Variants in ZNF469 observed in about 807,000 individuals in gnomAD.
The protein encoded by ZNF469 is zinc finger protein 469.
Under a neutral mutation model 1.0 loss-of-function variants are expected in ZNF469, and 1 was observed. The observed-to-expected ratio is 1.00, with a 90% CI of 0.35 to 4.73. The LOEUF (loss-of-function observed/expected upper bound fraction) is 4.73. ZNF469 is among the 30% of genes most tolerant of loss of function. ZNF469 has a pLI of 0.16. For synonymous variants in ZNF469, 2,703 were observed against 2,363.4 expected, an observed-to-expected ratio of 1.14 and a Z score of -4.17; for missense variants, 6,100 against 5,356.3, an observed-to-expected ratio of 1.14 and a Z score of -4.33.
At chr16:88,116,174 G>A in the ZNF469 span, among the ~76,000 whole-genome samples, 10 of 152,350 alleles carry the variant, frequency 6.6e-5, no homozygotes, top group East Asian at 1.7e-3. Context: ...AGATGTGGGG[G>A]GTGCTCTTCC....
the ZNF469 span, among the ~76,000 whole-genome samples, chr16:88,333,261 A>G: frequency 3.3e-5 from 5 of 151,962 alleles, no homozygotes; most frequent in East Asian, 9.8e-4. Context: ...GCCAGGGGAG[A>G]GAAGGCTCCG....
chr16:88,173,070 C>T, the ZNF469 span, among the ~76,000 whole-genome samples: 261 of 152,214 alleles, frequency 1.7e-3, 2 homozygotes, highest in African/African-American at 6.2e-3. Context: ...AATGGCCAAA[C>T]GTTTTTTGAA....
chr16:88,206,751 C>T, the ZNF469 span, among the ~76,000 whole-genome samples: 2 of 148,740 alleles, frequency 1.3e-5, no homozygotes, highest in African/African-American at 2.5e-5. Context: ...GTCTGGCGGG[C>T]GCTTCTTGGT....
the ZNF469 span, among the ~76,000 whole-genome samples, chr16:88,189,190 G>A: frequency 6.6e-6 from 1 of 152,214 alleles, no homozygotes; most frequent in Non-Finnish European, 1.5e-5. The surrounding 1 kb of genome is among the most constrained non-coding windows in gnomAD (Gnocchi z 4.3). Context: ...CTTCCCAAGT[G>A]CAGAGCTGCC....
chr16:88,183,775 C>A, the ZNF469 span, among the ~76,000 whole-genome samples: 2 of 152,182 alleles, frequency 1.3e-5, no homozygotes, highest in African/African-American at 4.8e-5. Flanking sequence ...CTTGTAAAAG[C>A]AGCATGTGAA....
the ZNF469 span, among the ~76,000 whole-genome samples, chr16:88,295,663 T>G: frequency 6.6e-6 from 1 of 152,110 alleles, no homozygotes; most frequent in African/African-American, 2.4e-5. Flanking sequence ...CGGCCTACAC[T>G]CGGTGCACAC....
At chr16:88,348,873 G>C in the ZNF469 span, among the ~76,000 whole-genome samples, 3 of 152,152 alleles carry the variant, frequency 2.0e-5, no homozygotes. Context: ...TCGGCATCAC[G>C]CGTGGGCATG....
At chr16:88,114,573 C>T in the ZNF469 span, among the ~76,000 whole-genome samples, 2 of 152,204 alleles carry the variant, frequency 1.3e-5, no homozygotes, top group East Asian at 3.8e-4. Flanking sequence ...ACTTCCCAGG[C>T]CATGAGCTGG....
At chr16:88,203,183 G>A in the ZNF469 span, among the ~76,000 whole-genome samples, 2 of 152,158 alleles carry the variant, frequency 1.3e-5, no homozygotes, top group African/African-American at 2.4e-5. Context: ...TCCTCGAGTT[G>A]CCCAGGTGCT....
At chr16:88,257,996 A>G in the ZNF469 span, among the ~76,000 whole-genome samples, 65 of 152,338 alleles carry the variant, frequency 4.3e-4, no homozygotes, top group African/African-American at 1.6e-3. Flanking sequence ...CACATGCTGC[A>G]AGGGCTCTGA....
the ZNF469 span, among the ~76,000 whole-genome samples, chr16:88,131,656 G>C: frequency 6.6e-6 from 1 of 152,228 alleles, no homozygotes; most frequent in South Asian, 2.1e-4. Context: ...AGGCTGGGGC[G>C]CTCCTGGACC....
intron 1 of ZNF469, among the ~76,000 whole-genome samples, chr16:88,420,517 C>T (rs761393038): frequency 1.1e-4 from 16 of 152,240 alleles, no homozygotes; most frequent in South Asian, 2.1e-4. Flanking sequence ...TTGGGCAGTG[C>T]AGCCGAGTGT....
the ZNF469 span, among the ~76,000 whole-genome samples, chr16:88,376,078 G>A: frequency 6.6e-6 from 1 of 152,238 alleles, no homozygotes; most frequent in African/African-American, 2.4e-5. Flanking sequence ...GGTTCAGGGC[G>A]GGCGGCACGC....
At chr16:88,202,714 C>T in the ZNF469 span, among the ~76,000 whole-genome samples, 1 of 152,214 alleles carries the variant, frequency 6.6e-6, no homozygotes, top group African/African-American at 2.4e-5. Flanking sequence ...GGGCGCCTCA[C>T]TCCTCACCGT....
At position 88,436,563 on chromosome 16, in the gene ZNF469, GCTTCCCGGGAACACC is replaced by G. The variant is rs281865162; in HGVS notation, c.9095_9109del (p.Leu3032_Thr3036del). 2.5e-3 allele frequency: 3,866 copies of G among 1,549,802 alleles called. 19 individuals are homozygous for G. The highest frequency in any genetic ancestry group is 0.022 in the Middle Eastern group (129 of 5,992). On this transcript the variant is annotated inframe_deletion, in exon 3 of 3. Coordinates refer to ENST00000565624, the MANE Select transcript of ZNF469 (RefSeq NM_001367624.2). ...TGGAGAGAGAACGCTGTGACGGTGG[GCTTCCCGGGAACACC>G]CACCTGCTGCCGCTCCGTGCCACGG...
At chr16:88,101,445 C>T in the ZNF469 span, among the ~76,000 whole-genome samples, 19 of 152,114 alleles carry the variant, frequency 1.2e-4, no homozygotes, top group African/African-American at 3.9e-4. Flanking sequence ...TTTTGTGGCA[C>T]GCTCCAGGTG....
the ZNF469 span, among the ~76,000 whole-genome samples, chr16:88,331,383 C>T: frequency 1.4e-5 from 2 of 147,974 alleles, no homozygotes; most frequent in African/African-American, 2.5e-5. Context: ...CATCATATCA[C>T]CATCACCATC....
At chr16:88,377,372 C>T in the ZNF469 span, among the ~76,000 whole-genome samples, 1 of 152,232 alleles carries the variant, frequency 6.6e-6, no homozygotes, top group African/African-American at 2.4e-5. Context: ...GCTGGGCCCG[C>T]CACCCATGGC....
At chr16:88,110,244 C>CG in the ZNF469 span, among the ~76,000 whole-genome samples, 2 of 152,178 alleles carry the variant, frequency 1.3e-5, no homozygotes, top group African/African-American at 2.4e-5. Context: ...TTCAGACCCC[C>CG]GGGGGGCCGC....
Sources: allele counts gnomAD v4.1 joint callset (sites outside exome capture counted in the v4.1 genomes callset), GRCh38; gene constraint gnomAD v4.1.1; non-coding constraint Gnocchi (gnomAD v3.1); transcripts MANE v1.5; gene names NCBI Gene and HGNC (gene_info 2026-07-23, HGNC 2026-07-21).